Variants in ENTHD1 observed in about 807,000 individuals in gnomAD.
ENTHD1 encodes ENTH domain-containing protein 1.
Under a neutral mutation model 39.1 loss-of-function variants are expected in ENTHD1, and 23 were observed. The ratio of observed to expected loss-of-function variants is 0.59; its 90% CI spans 0.42 to 0.83. The LOEUF is 0.83. Among genes scored for constraint, ENTHD1 ranks in the 40% least tolerant of loss-of-function variants. ENTHD1 has a pLI of 0.00. For missense variants in ENTHD1, 624 were observed against 705.4 expected (o/e 0.88, Z 1.31); for synonymous variants, 230 against 258.2 (o/e 0.89, Z 1.05).
At chr22:39,772,302 C>A (rs541316253) in intron 5 of ENTHD1, among the ~76,000 whole-genome samples, 15 of 152,128 alleles carry the variant, frequency 9.9e-5, no homozygotes, top group Non-Finnish European at 2.1e-4. Flanking sequence ...CAATGCTAGC[C>A]CACTTGCTTC....
At chr22:39,813,684 A>G (rs988273454) in intron 5 of ENTHD1, among the ~76,000 whole-genome samples, 1 of 152,248 alleles carries the variant, frequency 6.6e-6, no homozygotes, top group Non-Finnish European at 1.5e-5. Flanking sequence ...ACTTTCATTC[A>G]GCACTGTGTA....
At chr22:39,802,060 G>A (rs531801049) in intron 5 of ENTHD1, among the ~76,000 whole-genome samples, 19 of 152,054 alleles carry the variant, frequency 1.2e-4, no homozygotes, top group Non-Finnish European at 2.4e-4. Flanking sequence ...AATGTAACAA[G>A]ACATCTAAAA....
intron 4 of ENTHD1, 108 bp downstream of exon 4, chr22:39,835,732 G>A (rs1213215421): frequency 4.6e-6 from 3 of 655,658 alleles, no homozygotes; most frequent in Non-Finnish European, 7.6e-6. Context: ...TTAGCCCAGT[G>A]AGCCCTGGGT....
chr22:39,893,270 C>G (rs1211985639), intron 1 of ENTHD1: 1 of 152,188 alleles, frequency 6.6e-6, no homozygotes, highest in Non-Finnish European at 1.5e-5. Context: ...AAACGAGATG[C>G]TTTGGAAAGA....
chr22:39,768,907 T>A (rs1424986795), intron 5 of ENTHD1, among the ~76,000 whole-genome samples: 1 of 152,018 alleles, frequency 6.6e-6, no homozygotes, highest in Non-Finnish European at 1.5e-5. Context: ...CTACTGTCGA[T>A]GAACTAATGC....
intron 3 of ENTHD1, among the ~76,000 whole-genome samples, chr22:39,838,539 G>C (rs1219094031): frequency 2.0e-5 from 3 of 152,050 alleles, no homozygotes; most frequent in Non-Finnish European, 4.4e-5. Context: ...AAATAAAATA[G>C]AGGCAGGATT....
intron 2 of ENTHD1, among the ~76,000 whole-genome samples, chr22:39,879,821 T>C (rs914870125): frequency 6.6e-6 from 1 of 152,214 alleles, no homozygotes; most frequent in Non-Finnish European, 1.5e-5. Flanking sequence ...AAAAACTTCA[T>C]ACAGTTGTTT....
intron 2 of ENTHD1, among the ~76,000 whole-genome samples, chr22:39,875,042 T>A (rs2066276520): frequency 6.6e-6 from 1 of 152,132 alleles, no homozygotes; most frequent in African/African-American, 2.4e-5. Context: ...AGAGTTTTAT[T>A]CACAATAACT....
rs993106738 is a variant in ENTHD1 at position 39,778,840 on chromosome 22, A to G, written c.833-13231T>C. Among the ~76,000 whole-genome samples the G allele has an allele frequency of 3.3e-5, 5 of 152,264 alleles. No individual in the cohort carries two copies. In the East Asian group the frequency reaches 7.7e-4, roughly 24 times the overall value. ...GCCTTACACATATTTTCATTCATGC[A>G]ACAAATATTTTTGAGGACAGACCAT... On this transcript the variant is annotated intron_variant, in intron 5 of 6. Coordinates refer to ENST00000325157, the MANE Select transcript of ENTHD1 (RefSeq NM_152512.4).
intron 5 of ENTHD1, among the ~76,000 whole-genome samples, chr22:39,793,504 C>A (rs1366145861): frequency 6.6e-6 from 1 of 152,006 alleles, no homozygotes; most frequent in Admixed American, 6.6e-5. Context: ...TAACATAATC[C>A]CATTTGTCTA....
At chr22:39,774,772 C>T (rs566491837) in intron 5 of ENTHD1, among the ~76,000 whole-genome samples, 1 of 152,314 alleles carries the variant, frequency 6.6e-6, no homozygotes, top group South Asian at 2.1e-4. Context: ...TTCTTTCAGT[C>T]TTCAAATTCT....
intron 3 of ENTHD1, among the ~76,000 whole-genome samples, chr22:39,845,576 G>T (rs1166618156): frequency 6.6e-6 from 1 of 152,146 alleles, no homozygotes; most frequent in African/African-American, 2.4e-5. Flanking sequence ...AGAAAATGTA[G>T]CTCAAGAAAC....
In ENTHD1 at chr22:39,887,387, C is replaced by A; in HGVS notation, c.349+13G>T. The A allele has an allele frequency of 2.5e-6, 4 of 1,585,804 alleles. No homozygotes were observed. The highest frequency in any genetic ancestry group is 3.4e-6 in the Non-Finnish European group (4 of 1,166,920). ...CACCACACCCAGCTTATATAAACTT[C>A]TTTAACCATTACCTTGGTCTTTTCC... On this transcript the variant is annotated intron_variant, in intron 2 of 6. Transcript: ENST00000325157.
rs59043861 is a variant in ENTHD1, at chr22:39,762,212, C to T, written c.1219+3011G>A. On this transcript the variant is annotated intron_variant, in intron 6 of 6. Coordinates refer to ENST00000325157, the MANE Select transcript of ENTHD1 (RefSeq NM_152512.4). ...CCCCCTATACGTATAGTTTAGTGGT[C>T]GGTCAAGAATTTGGGAAGAGTTTAT... Among the ~76,000 whole-genome samples, 1,132 of 152,052 alleles carry T rather than the reference C, an allele frequency of 7.4e-3. 16 individuals carry two copies. Among genetic ancestry groups the T allele is most frequent in the African/African-American group, 0.026 (1,082 of 41,458 alleles).
intron 4 of ENTHD1, among the ~76,000 whole-genome samples, chr22:39,824,500 C>T (rs1048141135): frequency 6.6e-6 from 1 of 152,006 alleles, no homozygotes; most frequent in Admixed American, 6.6e-5. Context: ...TGAGCCACCG[C>T]ACCCGGCCCC....
At chr22:39,803,981 G>A (rs1034818902) in intron 5 of ENTHD1, among the ~76,000 whole-genome samples, 1 of 152,006 alleles carries the variant, frequency 6.6e-6, no homozygotes. Context: ...AAACAACATA[G>A]TGAGACCCTG....
chr22:39,781,985 CAAT>C (rs2065413866), intron 5 of ENTHD1, among the ~76,000 whole-genome samples: 1 of 152,030 alleles, frequency 6.6e-6, no homozygotes, highest in African/African-American at 2.4e-5. Flanking sequence ...CTCAATAAGC[CAAT>C]AATAAGTAAC....
At chr22:39,890,438 G>C (rs1470404476) in intron 1 of ENTHD1, among the ~76,000 whole-genome samples, 1 of 151,904 alleles carries the variant, frequency 6.6e-6, no homozygotes, top group African/African-American at 2.4e-5. Flanking sequence ...CATTGGCTTA[G>C]AGCAACAAAT....
At chr22:39,884,027 C>T (rs1569181850) in intron 2 of ENTHD1, among the ~76,000 whole-genome samples, 1 of 151,546 alleles carries the variant, frequency 6.6e-6, no homozygotes, top group Non-Finnish European at 1.5e-5. Context: ...CTACACAGCA[C>T]TGTTGAAAGA....
Sources: allele counts gnomAD v4.1 joint callset (sites outside exome capture counted in the v4.1 genomes callset), GRCh38; gene constraint gnomAD v4.1.1; transcripts MANE v1.5; gene names NCBI Gene and HGNC (gene_info 2026-07-23, HGNC 2026-07-21).